The following PCLO variants were observed in gnomAD, a reference collection of about 807,000 sequenced individuals.
The protein encoded by PCLO is protein piccolo.
In PCLO, 82 loss-of-function variants were observed where a neutral mutation model predicts 427.5. The observed-to-expected ratio is 0.19, with a 90% CI of 0.16 to 0.23. The LOEUF (loss-of-function observed/expected upper bound fraction) is 0.23, where lower values mean the gene tolerates loss of function less well. PCLO is among the 10% of genes least tolerant of loss of function. PCLO has a pLI of 1.00. For missense variants in PCLO, 6,239 were observed against 6,115.9 expected, an observed-to-expected ratio of 1.02 and a Z score of -0.67; for synonymous variants, 2,357 against 2,155.4, an observed-to-expected ratio of 1.09 and a Z score of -2.59.
intron 10 of PCLO, among the ~76,000 whole-genome samples, chr7:82,869,672 T>C (rs951265475): frequency 6.6e-6 from 1 of 152,002 alleles, no homozygotes; most frequent in African/African-American, 2.4e-5. Flanking sequence ...AAAAGATCTG[T>C]GCATGCCTTT....
chr7:82,916,766 G>C lies in PCLO; in HGVS notation c.11220C>G (p.Phe3740Leu). 6.2e-7 allele frequency: 1 copy of C among 1,613,660 alleles called. No individual in the cohort carries two copies. Among genetic ancestry groups the C allele is most frequent in the Non-Finnish European group, 8.5e-7 (1 of 1,179,712 alleles). Residue 3740 changes from phenylalanine to leucine, a missense_variant, in exon 7 of 25, where the codon TTC becomes TTG. This residue lies in a region of PCLO where 4,677 missense variants were observed against 4,468.4 expected (regional missense o/e 1.05). Coordinates refer to ENST00000333891, the MANE Select transcript of PCLO (RefSeq NM_033026.6). The part of the protein sequence containing the change: ...EEISTGTQST[F>L]STMGTVSRRR... ...TCCTGGAAACTGTGCCCATTGTGCTGAATGTGGATTGAGTTCCTGTGGAAA... is the reference window on the plus strand; with the variant it reads ...TCCTGGAAACTGTGCCCATTGTGCTCAATGTGGATTGAGTTCCTGTGGAAA...
intron 3 of PCLO, among the ~76,000 whole-genome samples, chr7:83,078,894 T>C (rs977492742): frequency 6.6e-6 from 1 of 152,104 alleles, no homozygotes; most frequent in Non-Finnish European, 1.5e-5. Flanking sequence ...TATAAAATAA[T>C]ACCAGCAAAT....
At chr7:82,813,287 T>C (rs2115583331) in intron 20 of PCLO, among the ~76,000 whole-genome samples, 1 of 151,832 alleles carries the variant, frequency 6.6e-6, no homozygotes, top group African/African-American at 2.4e-5. Flanking sequence ...ACAGATTATA[T>C]TAATGATCTA....
In PCLO at chr7:82,953,655, G is replaced by T; in HGVS notation, c.7298C>A (p.Pro2433His). The change falls in exon 5 of 25, where the codon CCT becomes CAT. Residue 2433 changes from proline (P) to histidine (H), a missense_variant. By Grantham distance (77) the Pro-to-His change is moderately conservative. This residue lies in a region of PCLO where 4,677 missense variants were observed against 4,468.4 expected (regional missense o/e 1.05). Coordinates refer to ENST00000333891, the MANE Select transcript of PCLO (RefSeq NM_033026.6). ...PPPPLPPPTS[P>H]KPTILPKKKL... ...TTTTTTAGGAAGAATAGTTGGTTTA[G>T]GTGAAGTTGGTGGAGGAAGTGGTGG... 1 of 1,553,214 alleles carries T rather than the reference G, an allele frequency of 6.4e-7. No individual in the cohort carries two copies. The highest frequency in any genetic ancestry group is 8.7e-7 in the Non-Finnish European group (1 of 1,150,644).
intron 3 of PCLO, among the ~76,000 whole-genome samples, chr7:83,013,450 T>C (rs1196210622): frequency 6.6e-6 from 1 of 152,180 alleles, no homozygotes; most frequent in African/African-American, 2.4e-5. Flanking sequence ...TTCAGGGTTG[T>C]TGTCAAGATA....
chr7:82,778,000 G>T (rs1423124844), intron 22 of PCLO, among the ~76,000 whole-genome samples: 1 of 152,060 alleles, frequency 6.6e-6, no homozygotes, highest in Non-Finnish European at 1.5e-5. Context: ...GAAAATTTTT[G>T]CAAACTATGC....
chr7:82,824,208 T>G (rs781316397), intron 19 of PCLO, 28 bp downstream of exon 19: 12 of 1,524,172 alleles, frequency 7.9e-6, no homozygotes, highest in Non-Finnish European at 8.9e-6. Context: ...GACACAAAAC[T>G]TTTTCTACTT....
intron 3 of PCLO, among the ~76,000 whole-genome samples, chr7:83,093,482 A>ATT: frequency 1.6e-5 from 1 of 62,334 alleles, no homozygotes. Flanking sequence ...GTATAGATAT[A>ATT]TATATATATA....
At chr7:83,038,204 A>G (rs1481140914) in intron 3 of PCLO, among the ~76,000 whole-genome samples, 7 of 103,608 alleles carry the variant, frequency 6.8e-5, no homozygotes, top group Non-Finnish European at 1.1e-4. Flanking sequence ...ATACACACAC[A>G]TATATGTGTT....
At chr7:83,114,928 G>C (rs1023721953) in intron 3 of PCLO, among the ~76,000 whole-genome samples, 6 of 151,950 alleles carry the variant, frequency 3.9e-5, no homozygotes, top group African/African-American at 1.4e-4. Context: ...CTATTATTAA[G>C]GGTTTTGTAT....
chr7:83,154,911 T>C lies in PCLO; in HGVS notation c.1730A>G (p.Lys577Arg). Residue 577 changes from lysine to arginine, a missense_variant, in exon 2 of 25, where the codon AAA becomes AGA. Physicochemically the swap from Lys to Arg is conservative, Grantham distance 26. Around this residue, in one of 5 missense-constraint regions of PCLO, gnomAD observed 4,677 missense variants for 4,468.4 expected, o/e 1.05. Transcript: ENST00000333891. The part of the protein sequence containing the change: ...LQPPTVSPSA[K>R]QPPSQGLPKT... The stretch of plus-strand genomic sequence containing the variant: ...AGGGAGGCCTTGTGAAGGAGGCTGT[T>C]TTGCAGATGGAGACACTGTTGGTGG... 6.2e-7 allele frequency: 1 copy of C among 1,613,920 alleles called. No individual in the cohort carries two copies. Among genetic ancestry groups the C allele is most frequent in the South Asian group, 1.1e-5 (1 of 91,086 alleles).
chr7:83,001,499 CATA>C (rs1787821324), intron 3 of PCLO, among the ~76,000 whole-genome samples: 1 of 110,164 alleles, frequency 9.1e-6, no homozygotes, highest in Non-Finnish European at 1.8e-5. Context: ...CTCTAACACA[CATA>C]CAAACACACA....
At chr7:82,875,591 G>C (rs1198425247) in intron 10 of PCLO, among the ~76,000 whole-genome samples, 1 of 151,976 alleles carries the variant, frequency 6.6e-6, no homozygotes, top group African/African-American at 2.4e-5. Context: ...ACAAAAGCTA[G>C]AAGGAATTTG....
intron 3 of PCLO, among the ~76,000 whole-genome samples, chr7:83,085,707 C>A (rs562968895): frequency 2.0e-5 from 3 of 152,124 alleles, no homozygotes; most frequent in African/African-American, 7.2e-5. Flanking sequence ...GGGAGCCAAT[C>A]TTCTCATTAA....
intron 4 of PCLO, among the ~76,000 whole-genome samples, chr7:82,963,752 TATA>T (rs1257389397): frequency 6.6e-6 from 1 of 152,130 alleles, no homozygotes; most frequent in Admixed American, 6.6e-5. Flanking sequence ...TTTAAATAAA[TATA>T]ATAACAATGG....
Position 83,005,270 on chromosome 7 carries a change from A to G in PCLO, c.3301-38783T>C, listed in dbSNP as rs183672216. ...AGAGAATCGTGTCATTTGTGACAACATGGATAAACCTAAAAGACATTATGC... is the reference window on the plus strand; with the variant it reads ...AGAGAATCGTGTCATTTGTGACAACGTGGATAAACCTAAAAGACATTATGC... On this transcript the variant is annotated intron_variant, in intron 3 of 24. Coordinates refer to ENST00000333891, the MANE Select transcript of PCLO (RefSeq NM_033026.6). 1.6e-3 allele frequency among the ~76,000 whole-genome samples: 245 copies of G among 151,826 alleles called. 1 individual carries two copies. The highest frequency in any genetic ancestry group is 5.5e-3 in the African/African-American group (229 of 41,522).
At chr7:82,883,374 A>T (rs2116068016) in intron 9 of PCLO, among the ~76,000 whole-genome samples, 1 of 152,310 alleles carries the variant, frequency 6.6e-6, no homozygotes, top group South Asian at 2.1e-4. Context: ...TCTGTGTTAC[A>T]AATTATACAT....
rs759897812 is a variant in PCLO, at chr7:82,956,876, A to T, written c.4077T>A (p.Gly1359=). ...CGGAAGAATATCCCGTGTCGCTCAG[A>T]CCTTGGGGGCTTTTAGGCTGCTGAG... ...SSSQQPKSPQ[G]LSDTGYSSDG... is the part of the protein sequence containing the mutation. Residue 1359 remains glycine, a synonymous_variant, in exon 5 of 25, where the codon GGT becomes GGA. Coordinates refer to ENST00000333891, the MANE Select transcript of PCLO (RefSeq NM_033026.6). 2 of 1,613,546 alleles carry T rather than the reference A, an allele frequency of 1.2e-6. No homozygotes were observed. Among genetic ancestry groups the T allele is most frequent in the Non-Finnish European group, 1.7e-6 (2 of 1,179,720 alleles).
chr7:83,155,188 C>G lies in PCLO; in HGVS notation c.1453G>C (p.Gly485Arg). ...TGTTGAGGTGGGGGCTTTGCTGGGC[C>G]AGGCTGTTGAGGTGGGGGCTTTGCT... ...GPAKPPPQQP[G>R]PAKPPPQQPG... Residue 485 changes from glycine to arginine, a missense_variant, in exon 2 of 25, where the codon GGC (glycine) becomes CGC (arginine). Around this residue, in one of 5 missense-constraint regions of PCLO, gnomAD observed 4,677 missense variants for 4,468.4 expected, o/e 1.05. Transcript: ENST00000333891. The G allele has an allele frequency of 6.2e-7, 1 of 1,609,026 alleles. No homozygotes were observed.
Sources: gnomAD v4.1 joint callset for allele counts (sites outside exome capture counted in the v4.1 genomes callset) on GRCh38, gnomAD v4.1.1 for gene constraint, gnomAD v4.1.1 regional missense constraint, MANE v1.5 for transcripts, NCBI Gene and HGNC (gene_info 2026-07-23, HGNC 2026-07-21) for gene names.